Variants in CEP72 observed in about 807,000 individuals in gnomAD.
The protein encoded by CEP72 is centrosomal protein 72, also known as centrosomal protein of 72 kDa.
In CEP72, 78 loss-of-function variants were observed where a neutral mutation model predicts 65.7. That is an observed-to-expected ratio of 1.19 (90% CI 0.99 to 1.43). The LOEUF (loss-of-function observed/expected upper bound fraction) is 1.43. Ranked by LOEUF, CEP72 falls within the 40% of genes most tolerant of loss-of-function variation. CEP72 has a pLI of 0.00. For missense variants in CEP72, 914 were observed against 832.9 expected (o/e 1.10, Z -1.20); for synonymous variants, 358 against 351.7 (o/e 1.02, Z -0.20).
intron 4 of CEP72, among the ~76,000 whole-genome samples, chr5:629,376 A>AT (rs1344205345): frequency 6.6e-6 from 1 of 152,260 alleles, no homozygotes; most frequent in Non-Finnish European, 1.5e-5. Context: ...CAGAACTTTA[A>AT]TTTTTGAACC....
chr5:657,192 T>C (rs1683186157), downstream of CEP72: 1 of 152,238 alleles, frequency 6.6e-6, no homozygotes, highest in African/African-American at 2.4e-5. Flanking sequence ...GCACCTGTGT[T>C]TGGGCCCTGA....
intron 11 of CEP72, among the ~76,000 whole-genome samples, chr5:649,050 T>G (rs1453353467): frequency 7.1e-6 from 1 of 140,356 alleles, no homozygotes; most frequent in Non-Finnish European, 1.5e-5. Context: ...GACTGTGAGG[T>G]GTGACTGTGA....
rs143636357 is a variant in CEP72 at position 639,212 on chromosome 5, G to A, written c.1330G>A (p.Glu444Lys). The change falls in exon 8 of 12, where the codon GAG becomes AAG. Residue 444 changes from glutamate to lysine, a missense_variant. Transcript: ENST00000264935. ...CGGCTGCAGGTCCCTGCACAGCAAC[G>A]AGGCATTCCTTGGTGAGTCAGGGCG... ...WGGCRSLHSN[E>K]AFLAQARHIL... is the part of the protein sequence containing the mutation. 4.0e-4 allele frequency: 629 copies of A among 1,580,324 alleles called. 11 individuals carry two copies. The East Asian group carries it at 0.014, about 35-fold the overall frequency.
Position 665,348 on chromosome 5 carries a change from C to T in CEP72, n.433+23C>T, listed in dbSNP as rs779179110. On this transcript the variant is annotated intron_variant and non_coding_transcript_variant, in intron 3 of 4. Coordinates refer to the CEP72 transcript ENST00000514507. The stretch of plus-strand genomic sequence containing the variant: ...CAGGTGAGTTGCGAGCCAGGTGAGG[C>T]CAGCAAGTGAAATGGCTGTGCCCTG... The T allele has an allele frequency of 3.2e-6, 5 of 1,542,758 alleles. No individual in the cohort carries two copies. The Admixed American group carries it at 5.6e-5, about 17-fold the overall frequency.
intron 5 of CEP72, 127 bp from the exon 6 acceptor site, chr5:635,245 C>A (rs1027248316): frequency 5.7e-6 from 4 of 696,076 alleles, no homozygotes; most frequent in Admixed American, 2.7e-5. Context: ...TCAGTGTCAC[C>A]CAGCACGTGA....
chr5:636,377 T>C (rs771321363), intron 6 of CEP72, among the ~76,000 whole-genome samples: 2 of 152,202 alleles, frequency 1.3e-5, no homozygotes, highest in Non-Finnish European at 2.9e-5. Flanking sequence ...CTCTCACTAA[T>C]GCACACACAC....
In CEP72 at chr5:640,465, C is replaced by T. The variant is rs754900239; in HGVS notation, c.1400C>T (p.Ser467Phe). The change falls in exon 9 of 12, where the codon TCT becomes TTT. Residue 467 changes from serine to phenylalanine, a missense_variant. Physicochemically the swap from Ser to Phe is radical, Grantham distance 155. Transcript: ENST00000264935. ...GAATTCACAGCAGCTCAGGACAGCT[C>T]TGCGATGGTGGGTGAAGATGTCGGC... ...VEEFTAAQDS[S>F]AMVGEDVGSL... is the part of the protein sequence containing the mutation. The T allele has an allele frequency of 6.2e-7, 1 of 1,614,126 alleles. No homozygotes were observed. The highest frequency in any genetic ancestry group is 8.5e-7 in the Non-Finnish European group (1 of 1,180,054).
At chr5:659,352 C>T (rs1355695088), downstream of CEP72, among the ~76,000 whole-genome samples, 2 of 152,246 alleles carry the variant, frequency 1.3e-5, no homozygotes, top group South Asian at 4.1e-4. Context: ...GCTCCACTTT[C>T]TTCACAAACC....
At position 624,826 on chromosome 5, in the gene CEP72, A is replaced by C. The variant is rs774785287; in HGVS notation, c.512+247A>C. Reference sequence around the variant, plus strand: ...GATTAAGGTAATATGTGTAAAATCAACTCAGCAAAGGGCTTGTCCTGTCCC... The same window carrying C: ...GATTAAGGTAATATGTGTAAAATCACCTCAGCAAAGGGCTTGTCCTGTCCC... On this transcript the variant is annotated intron_variant, in intron 4 of 11. Transcript: ENST00000264935. The surrounding 1 kb of genome is among the most constrained non-coding windows in gnomAD (Gnocchi z 4.7). Among the ~76,000 whole-genome samples, 1 of 152,058 alleles carries C rather than the reference A, an allele frequency of 6.6e-6. No individual in the cohort carries two copies. The highest frequency in any genetic ancestry group is 2.4e-5 in the African/African-American group (1 of 41,400).
downstream of CEP72, among the ~76,000 whole-genome samples, chr5:671,743 C>T (rs1356989953): frequency 1.3e-5 from 2 of 152,246 alleles, no homozygotes; most frequent in African/African-American, 4.8e-5. Context: ...CACGTTCATC[C>T]TGCCCTGCCA....
chr5:658,577 G>A (rs1709543), downstream of CEP72, among the ~76,000 whole-genome samples: 38,407 of 149,332 alleles, frequency 0.26, 5,030 homozygotes, highest in East Asian at 0.44. Flanking sequence ...AAATAAATAT[G>A]GGTTAAAATA....
intron 3 of CEP72, among the ~76,000 whole-genome samples, chr5:622,470 C>G (rs1736454898): frequency 6.6e-6 from 1 of 152,228 alleles, no homozygotes; most frequent in Admixed American, 6.5e-5. Flanking sequence ...GGGAGGCACT[C>G]AGGGCGTCTG....
the CEP72 span, chr5:676,115 T>G: frequency 1.3e-5 from 2 of 152,140 alleles, no homozygotes; most frequent in Non-Finnish European, 2.9e-5. Flanking sequence ...TGCAAGGCAG[T>G]CAGCTGGAGA....
At chr5:621,559 C>T (rs970607341) in intron 3 of CEP72, among the ~76,000 whole-genome samples, 1 of 152,218 alleles carries the variant, frequency 6.6e-6, no homozygotes, top group Non-Finnish European at 1.5e-5. Flanking sequence ...CTCACCCTGT[C>T]AGCCCCATGA....
At chr5:669,564 C>T (rs1740120265), downstream of CEP72, among the ~76,000 whole-genome samples, 1 of 152,186 alleles carries the variant, frequency 6.6e-6, no homozygotes, top group Non-Finnish European at 1.5e-5. Flanking sequence ...CATGCGGACG[C>T]CAGGCCTGAC....
downstream of CEP72, chr5:655,364 A>C (rs1243335000): frequency 6.6e-6 from 1 of 152,214 alleles, no homozygotes; most frequent in Non-Finnish European, 1.5e-5. This position sits in a 1 kb window ranked among gnomAD's most constrained non-coding sequence, Gnocchi z 5.0. Context: ...GTCTCAAAAA[A>C]AAAACAAAAA....
At chr5:669,137 C>T (rs112703236), downstream of CEP72, among the ~76,000 whole-genome samples, 26 of 152,324 alleles carry the variant, frequency 1.7e-4, 1 homozygote, top group South Asian at 4.1e-4. Flanking sequence ...GCGGAGGCCT[C>T]GCTGTGTCCG....
In CEP72 at chr5:644,418, G is replaced by C. The variant is rs1334751007; in HGVS notation, c.1659G>C (p.Gln553His). 1.2e-6 allele frequency: 2 copies of C among 1,613,854 alleles called. No homozygotes were observed. The highest frequency in any genetic ancestry group is 2.2e-5 in the South Asian group (2 of 91,014). ...ACACTGCAGCCACGTTAAATTTGCA[G>C]ATCGCTGGTAAGTTGATCGTGTATT... ...SADTAATLNL[Q>H]IAGLQTSVKR... Residue 553 changes from glutamine (Q) to histidine (H), a missense_variant, in exon 10 of 12, where the codon CAG becomes CAC. Gln to His is a conservative substitution (Grantham distance 24). Transcript: ENST00000264935.
downstream of CEP72, among the ~76,000 whole-genome samples, chr5:657,326 G>A (rs772664388): frequency 2.0e-5 from 3 of 152,056 alleles, no homozygotes; most frequent in Non-Finnish European, 2.9e-5. Flanking sequence ...GGGTAGCTGC[G>A]TGCTCTAGTA....
Sources: allele counts gnomAD v4.1 joint callset (sites outside exome capture counted in the v4.1 genomes callset), GRCh38; gene constraint gnomAD v4.1.1; non-coding constraint Gnocchi (gnomAD v3.1); transcripts MANE v1.5; gene names NCBI Gene and HGNC (gene_info 2026-07-23, HGNC 2026-07-21).